The following STPG2 variants were observed in gnomAD, a reference collection of about 807,000 sequenced individuals.
STPG2 encodes the protein sperm-tail PG-rich repeat-containing protein 2.
Under a neutral mutation model 54.2 loss-of-function variants are expected in STPG2, and 56 were observed. That is an observed-to-expected ratio of 1.03 (90% CI 0.83 to 1.29). The LOEUF (loss-of-function observed/expected upper bound fraction) is 1.29. STPG2 is among the 50% of genes most tolerant of loss of function. The pLI is 0.00. For synonymous variants in STPG2, 200 were observed against 181.8 expected (o/e 1.10, Z -0.81); for missense variants, 596 against 544.9 (o/e 1.09, Z -0.93).
intron 4 of STPG2, among the ~76,000 whole-genome samples, chr4:97,460,912 G>T (rs1729646020): frequency 6.6e-6 from 1 of 152,158 alleles, no homozygotes; most frequent in Non-Finnish European, 1.5e-5. Flanking sequence ...TCAACATTAT[G>T]CTTGTAATAT....
intron 4 of STPG2, among the ~76,000 whole-genome samples, chr4:97,529,399 G>A (rs745750010): frequency 2.2e-4 from 33 of 152,112 alleles, no homozygotes; most frequent in Non-Finnish European, 4.6e-4. Context: ...TTTTATTGAG[G>A]ATTTTTGCAT....
In STPG2 at chr4:97,875,050, A is replaced by G. The variant is rs1730124104; in HGVS notation, c.1045-34118T>C. On this transcript the variant is annotated intron_variant, in intron 8 of 10. Coordinates refer to ENST00000295268, the MANE Select transcript of STPG2 (RefSeq NM_174952.3). ...TTTATTTGCTGATTAGTATTCCATC[A>G]TATGGATATGCTAGTCTGTTGATCA... Among the ~76,000 whole-genome samples the G allele has an allele frequency of 2.6e-5, 4 of 151,984 alleles. No homozygotes were observed. In the South Asian group the frequency reaches 8.3e-4, roughly 31 times the overall value.
rs1479931513 is a variant in STPG2 at position 97,769,302 on chromosome 4, T to G, written c.1205-56488A>C. On this transcript the variant is annotated intron_variant, in intron 9 of 10. Transcript: ENST00000295268. ...GAATGAGAGCCACATGGAGTACATA[T>G]AAGTGTTCCAGTTGCTGCAGCAATG... Among the ~76,000 whole-genome samples, 3 of 152,214 alleles carry G rather than the reference T, an allele frequency of 2.0e-5. No homozygotes were observed. The East Asian group carries it at 5.8e-4, about 29-fold the overall frequency.
At position 97,442,217 on chromosome 4, in the gene STPG2, GTTTTTTTTTGT is replaced by G. The variant is rs978206388; in HGVS notation, c.463-254395_463-254385del. 1.1e-3 allele frequency among the ~76,000 whole-genome samples: 158 copies of G among 147,166 alleles called. 1 individual carries two copies. The highest frequency in any genetic ancestry group is 3.7e-3 in the African/African-American group (150 of 40,150). On this transcript the variant is annotated intron_variant, in intron 4 of 4. Transcript: ENST00000522676. ...CTATATCACTTTTACTACATGACAT[GTTTTTTTTTGT>G]TTTTTTTTTATTCAGATGGTTACTC...
At chr4:98,055,803 C>T (rs902890492) in intron 5 of STPG2, among the ~76,000 whole-genome samples, 3 of 152,156 alleles carry the variant, frequency 2.0e-5, no homozygotes, top group African/African-American at 7.2e-5. Flanking sequence ...CCTGGTCTGA[C>T]CTGAGCAACC....
At chr4:97,987,802 A>G (rs1444577684) in intron 5 of STPG2, among the ~76,000 whole-genome samples, 7 of 151,878 alleles carry the variant, frequency 4.6e-5, no homozygotes, top group African/African-American at 1.5e-4. Context: ...CACCTCCACA[A>G]CTACCACTCT....
chr4:97,633,120 T>C (rs936103074), intron 10 of STPG2, among the ~76,000 whole-genome samples: 3 of 152,190 alleles, frequency 2.0e-5, no homozygotes, highest in East Asian at 1.9e-4. Context: ...CACACATCAG[T>C]TGTTTTAGTT....
At chr4:97,721,647 C>T (rs1341387294) in intron 9 of STPG2, among the ~76,000 whole-genome samples, 1 of 151,998 alleles carries the variant, frequency 6.6e-6, no homozygotes, top group East Asian at 1.9e-4. Context: ...GAAAGCTTAG[C>T]ATTTGTACAC....
intron 4 of STPG2, among the ~76,000 whole-genome samples, chr4:97,446,985 G>C (rs902809960): frequency 1.3e-5 from 2 of 152,192 alleles, no homozygotes; most frequent in African/African-American, 4.8e-5. Context: ...AGTTTGGAGG[G>C]CTCAGAAGAA....
At chr4:97,778,689 G>A (rs576417744) in intron 9 of STPG2, among the ~76,000 whole-genome samples, 49 of 152,270 alleles carry the variant, frequency 3.2e-4, no homozygotes, top group Middle Eastern at 3.4e-3. Context: ...CCCAGTAGGC[G>A]CAGACTGACA....
At chr4:97,909,923 C>T (rs1324493902) in intron 8 of STPG2, among the ~76,000 whole-genome samples, 3 of 152,084 alleles carry the variant, frequency 2.0e-5, no homozygotes, top group Non-Finnish European at 2.9e-5. Flanking sequence ...ACTGATGATG[C>T]CAATGCCACT....
rs371101910 is a variant in STPG2, at chr4:97,587,543, G to A, written c.1321-28426C>T. On this transcript the variant is annotated intron_variant, in intron 10 of 10. Transcript: ENST00000295268. ...ATAGGTAACATTAACAGTTGAGGTG[G>A]GTCACAGGACTTAGCATACAAGTCC... 1.3e-3 allele frequency among the ~76,000 whole-genome samples: 196 copies of A among 151,952 alleles called. 4 individuals are homozygous for A. The South Asian group carries it at 0.039, about 30-fold the overall frequency.
intron 9 of STPG2, among the ~76,000 whole-genome samples, chr4:97,725,000 C>T (rs1206361398): frequency 6.6e-6 from 1 of 152,034 alleles, no homozygotes; most frequent in Non-Finnish European, 1.5e-5. Flanking sequence ...TGACTCAAAT[C>T]CTGTTGATTT....
At chr4:97,777,522 C>T (rs748268442) in intron 9 of STPG2, among the ~76,000 whole-genome samples, 2 of 152,174 alleles carry the variant, frequency 1.3e-5, no homozygotes, top group African/African-American at 4.8e-5. Flanking sequence ...ACAAGATTTT[C>T]CCAGCCATGT....
At chr4:97,819,091 T>C (rs1560540413) in intron 9 of STPG2, among the ~76,000 whole-genome samples, 2 of 151,598 alleles carry the variant, frequency 1.3e-5, no homozygotes, top group Non-Finnish European at 2.9e-5. Context: ...CGAATAAAGA[T>C]ATAGAATCCA....
At chr4:97,489,775 TCTC>T (rs1322284963) in intron 4 of STPG2, 1 of 151,526 alleles carries the variant, frequency 6.6e-6, no homozygotes, top group Non-Finnish European at 1.5e-5. Flanking sequence ...CCTTCAAAGG[TCTC>T]CTTCTGAAGA....
intron 5 of STPG2, among the ~76,000 whole-genome samples, chr4:98,071,320 T>C (rs891536102): frequency 2.6e-5 from 4 of 151,888 alleles, no homozygotes; most frequent in Admixed American, 2.0e-4. Context: ...ATGGGGGAAA[T>C]GATTCCCTAT....
intron 10 of STPG2, among the ~76,000 whole-genome samples, chr4:97,589,221 T>C (rs1347964352): frequency 1.3e-5 from 2 of 152,018 alleles, no homozygotes; most frequent in Non-Finnish European, 2.9e-5. Context: ...TGAAGTTTAT[T>C]TGCTGAATAA....
At chr4:97,685,034 A>G (rs1038172672) in intron 10 of STPG2, among the ~76,000 whole-genome samples, 2 of 152,052 alleles carry the variant, frequency 1.3e-5, no homozygotes, top group African/African-American at 4.8e-5. Context: ...ACAACTACAT[A>G]CCTATCAGAA....
Sources: gnomAD v4.1 joint callset for allele counts (sites outside exome capture counted in the v4.1 genomes callset) on GRCh38, gnomAD v4.1.1 for gene constraint, MANE v1.5 for transcripts, NCBI Gene and HGNC (gene_info 2026-07-23, HGNC 2026-07-21) for gene names.